ZFX: variants seen among roughly 807,000 people sequenced by gnomAD.
ZFX encodes zinc finger protein X-linked.
For synonymous variants in ZFX, 196 were observed against 226.8 expected, an observed-to-expected ratio of 0.86 and a Z score of 1.22; for missense variants, 362 against 628.3, an observed-to-expected ratio of 0.58 and a Z score of 4.53.
Position 24,173,834 on chromosome X carries a change from A to G in ZFX, c.58+1034A>G, listed in dbSNP as rs767648137. On this transcript the variant is annotated intron_variant, in intron 4 of 9. Transcript: ENST00000304543. ...GGTCTTGAACCCGTGGGCTCATGTG[A>G]TCTGCCTGCCTCGGTCTCCTATAAG... 127 of 400,751 alleles carry G rather than the reference A, an allele frequency of 3.2e-4. 1 individual carries two copies. Among genetic ancestry groups the G allele is most frequent in the Middle Eastern group, 2.7e-3 (4 of 1,479 alleles). 33.0% of individuals were successfully genotyped at this position (400,751 alleles called of 1,213,427 possible).
intron 5 of ZFX, among the ~76,000 whole-genome samples, chrX:24,184,542 G>C (rs1200445546): frequency 9.1e-6 from 1 of 109,523 alleles, no homozygotes; most frequent in Non-Finnish European, 1.9e-5. Context: ...AGCATATCAG[G>C]TTCTTGTATT....
intron 5 of ZFX, among the ~76,000 whole-genome samples, chrX:24,201,135 C>T (rs1273204007): frequency 1.8e-5 from 2 of 111,964 alleles, no homozygotes; most frequent in African/African-American, 6.5e-5. Flanking sequence ...ATTTTGAGTA[C>T]TTAACAGGAC....
At chrX:24,192,278 G>T (rs1936583403) in intron 5 of ZFX, among the ~76,000 whole-genome samples, 1 of 111,722 alleles carries the variant, frequency 9.0e-6, no homozygotes, top group South Asian at 3.7e-4. Context: ...TGTGAATCTT[G>T]TTAAAACTTT....
chrX:24,188,872 C>T (rs892172383), intron 5 of ZFX, among the ~76,000 whole-genome samples: 2 of 111,567 alleles, frequency 1.8e-5, no homozygotes, highest in Non-Finnish European at 3.8e-5. Context: ...GAGTCTTGCT[C>T]TGTCACCCAG....
chrX:24,171,320 G>A (rs2147496242), intron 3 of ZFX, among the ~76,000 whole-genome samples: 1 of 110,975 alleles, frequency 9.0e-6, no homozygotes, highest in East Asian at 2.8e-4. Context: ...ATATGAAGTT[G>A]GGGTTTTATG....
intron 5 of ZFX, among the ~76,000 whole-genome samples, chrX:24,191,766 C>T (rs1324009371): frequency 9.2e-6 from 1 of 108,875 alleles, no homozygotes; most frequent in East Asian, 2.9e-4. Flanking sequence ...GTGGTGCGAT[C>T]TTGACTCACT....
intron 5 of ZFX, among the ~76,000 whole-genome samples, chrX:24,203,964 A>AT (rs995005626): frequency 8.9e-6 from 1 of 112,453 alleles, no homozygotes; most frequent in African/African-American, 3.2e-5. Context: ...CTTTTTTCTC[A>AT]TAAATGACCT....
At position 24,205,594 on chromosome X, in the gene ZFX, C is replaced by T. The variant is rs1246615481; in HGVS notation, c.647-1732C>T. Reference sequence around the variant, plus strand: ...GTTTGGCTGGGCGTGGTGGCTCACGCCTATAATCCCAGCACTTTGGGAGGC... The same window carrying T: ...GTTTGGCTGGGCGTGGTGGCTCACGTCTATAATCCCAGCACTTTGGGAGGC... On this transcript the variant is annotated intron_variant, in intron 5 of 9. Transcript: ENST00000304543. Among the ~76,000 whole-genome samples, 10 of 112,341 alleles carry T rather than the reference C, an allele frequency of 8.9e-5. No individual in the cohort carries two copies. The Admixed American group carries it at 9.4e-4, about 11-fold the overall frequency.
rs1021880087 is a variant in ZFX at position 24,213,888 on chromosome X, A to G, written c.*2512A>G. The G allele has an allele frequency of 3.6e-5, 4 of 110,875 alleles. No homozygotes were observed. The highest frequency in any genetic ancestry group is 1.3e-4 in the African/African-American group (4 of 30,418). 9.1% of individuals were successfully genotyped at this position (110,875 alleles called of 1,213,427 possible). ...TATAAAATTAATACAGAAAATATAA[A>G]TGATTGGGTCATTTAACTATATTTT... On this transcript the variant is annotated 3_prime_UTR_variant, in exon 10 of 10. Transcript: ENST00000304543.
At chrX:24,177,867 G>C (rs895090748) in intron 4 of ZFX, 1 of 748,126 alleles carries the variant, frequency 1.3e-6, no homozygotes, top group African/African-American at 2.3e-5. Flanking sequence ...GAGCAAAAAG[G>C]TAAAACACAT....
chrX:24,154,189 C>T (rs1395586057), intron 3 of ZFX, among the ~76,000 whole-genome samples: 1 of 112,030 alleles, frequency 8.9e-6, no homozygotes, highest in East Asian at 2.8e-4. Flanking sequence ...TTTTAAATTA[C>T]TGAAAATCAG....
intron 5 of ZFX, among the ~76,000 whole-genome samples, chrX:24,181,096 C>A (rs2704835): frequency 0.34 from 38,263 of 111,208 alleles, 4,743 homozygotes; most frequent in South Asian, 0.64. Context: ...TACCTGTTTT[C>A]ATACAGGAAT....
chrX:24,165,294 G>A (rs1933894789), intron 3 of ZFX, among the ~76,000 whole-genome samples: 1 of 111,445 alleles, frequency 9.0e-6, no homozygotes, highest in Non-Finnish European at 1.9e-5. Flanking sequence ...CTAATTTTTT[G>A]TATTGTAGTA....
At chrX:24,196,747 G>A (rs1262270117) in intron 5 of ZFX, among the ~76,000 whole-genome samples, 1 of 111,147 alleles carries the variant, frequency 9.0e-6, no homozygotes, top group African/African-American at 3.3e-5. Flanking sequence ...GCAGGCATGT[G>A]CTACCACACC....
At chrX:24,166,948 T>C (rs1422848603) in intron 3 of ZFX, among the ~76,000 whole-genome samples, 1 of 111,748 alleles carries the variant, frequency 8.9e-6, no homozygotes, top group Non-Finnish European at 1.9e-5. Context: ...ACCACCAACA[T>C]CAAAAGCAGG....
intron 5 of ZFX, among the ~76,000 whole-genome samples, chrX:24,183,348 C>G (rs1409881858): frequency 4.5e-5 from 5 of 111,526 alleles, no homozygotes; most frequent in Non-Finnish European, 7.5e-5. Context: ...CCATGCCCAG[C>G]TAATTTTTGT....
chrX:24,208,204 A>G lies in ZFX; in HGVS notation c.941-14A>G. 1 of 1,210,865 alleles carries G rather than the reference A, an allele frequency of 8.3e-7. No homozygotes were observed. The highest frequency in any genetic ancestry group is 3.0e-5 in the East Asian group (1 of 33,831). ...TAAACCTGGTCACAGAAGTTTTTGT[A>G]ACTTTCTACTTAGATGTTGCTGAAA... On this transcript the variant is annotated splice_polypyrimidine_tract_variant and intron_variant, in intron 7 of 9. Transcript: ENST00000304543.
chrX:24,155,371 A>G (rs1286381436), intron 3 of ZFX, among the ~76,000 whole-genome samples: 1 of 111,781 alleles, frequency 8.9e-6, no homozygotes, highest in African/African-American at 3.3e-5. Context: ...ACGAAGTTTG[A>G]AAACTACTGA....
intron 1 of ZFX, chrX:24,150,184 G>GT (rs1931849169): frequency 9.9e-6 from 1 of 101,315 alleles, no homozygotes; most frequent in Non-Finnish European, 2.0e-5. Flanking sequence ...ATCGGTGAGG[G>GT]GGGGGGAGGG....
Sources: allele counts gnomAD v4.1 joint callset (sites outside exome capture counted in the v4.1 genomes callset), GRCh38; gene constraint gnomAD v4.1.1; transcripts MANE v1.5; gene names NCBI Gene and HGNC (gene_info 2026-07-23, HGNC 2026-07-21).